ZNF425: variants seen among roughly 807,000 people sequenced by gnomAD.
The protein encoded by ZNF425 is zinc finger protein 425.
ZNF425 carries 21 observed loss-of-function variants against 17.0 expected under a neutral mutation model. The ratio of observed to expected loss-of-function variants is 1.23; its 90% confidence interval spans 0.88 to 1.78. The LOEUF is 1.78. Ranked by LOEUF, ZNF425 falls within the 40% of genes most tolerant of loss-of-function variation. The pLI is 0.00. For missense variants in ZNF425, 868 were observed against 967.3 expected (o/e 0.90, Z 1.36); for synonymous variants, 433 against 384.1 (o/e 1.13, Z -1.49).
intron 3 of ZNF425, 187 bp downstream of exon 3, chr7:149,111,950 G>C (rs563897338): frequency 4.5e-5 from 22 of 488,928 alleles, no homozygotes; most frequent in African/African-American, 4.2e-4. Flanking sequence ...CTAAAGTGCT[G>C]AGATTACAGG....
rs919811749 is a variant in ZNF425 at position 149,126,309 on chromosome 7, A to C, written c.-96T>G. Reference sequence around the variant, plus strand: ...TACAGCCCTGCTGGCCCCCAAAGGCAGAGCCGGCCGGGCGCGGTGCATGCT... The same window carrying C: ...TACAGCCCTGCTGGCCCCCAAAGGCCGAGCCGGCCGGGCGCGGTGCATGCT... On this transcript the variant is annotated 5_prime_UTR_variant, in exon 1 of 4. Coordinates refer to ENST00000378061, the MANE Select transcript of ZNF425 (RefSeq NM_001001661.3). 1 of 1,499,570 alleles carries C rather than the reference A, an allele frequency of 6.7e-7. No individual in the cohort carries two copies. 92.9% of individuals were successfully genotyped at this position (1,499,570 alleles called of 1,614,324 possible).
At chr7:149,117,639 A>ATTTTTT (rs1452531025) in intron 2 of ZNF425, among the ~76,000 whole-genome samples, 1 of 117,256 alleles carries the variant, frequency 8.5e-6, no homozygotes, top group Non-Finnish European at 1.7e-5. Context: ...TTACTTAGTA[A>ATTTTTT]TTCTTTTTTT....
At chr7:149,106,268 C>T (rs1458187310) in intron 3 of ZNF425, among the ~76,000 whole-genome samples, 1 of 143,710 alleles carries the variant, frequency 7.0e-6, no homozygotes, top group Non-Finnish European at 1.5e-5. Flanking sequence ...TTTTTTGAGA[C>T]AGTCTCACTC....
At chr7:149,122,681 C>T (rs896418110) in intron 1 of ZNF425, among the ~76,000 whole-genome samples, 23 of 151,822 alleles carry the variant, frequency 1.5e-4, no homozygotes, top group Non-Finnish European at 2.5e-4. Context: ...TACATTGAGA[C>T]GTGGGTTTTT....
At chr7:149,117,525 GA>G (rs1175280939) in intron 2 of ZNF425, among the ~76,000 whole-genome samples, 1 of 150,054 alleles carries the variant, frequency 6.7e-6, no homozygotes, top group African/African-American at 2.5e-5. Flanking sequence ...GTTCCTTGAA[GA>G]TGAGAAATTC....
At chr7:149,124,722 G>C (rs1826426224) in intron 1 of ZNF425, among the ~76,000 whole-genome samples, 1 of 151,570 alleles carries the variant, frequency 6.6e-6, no homozygotes, top group East Asian at 2.0e-4. Flanking sequence ...TGTATTTTTG[G>C]TAGAGACGGG....
At position 149,104,779 on chromosome 7, in the gene ZNF425, G is replaced by T. The variant is rs750803765; in HGVS notation, c.1092C>A (p.Gly364=). The T allele has an allele frequency of 6.2e-7, 1 of 1,613,426 alleles. No individual in the cohort carries two copies. The highest frequency in any genetic ancestry group is 8.5e-7 in the Non-Finnish European group (1 of 1,179,922). ...GKRPFHCPEC[G]RSFSRKAALK... The stretch of plus-strand genomic sequence containing the variant: ...GGGCAGCCTTCCGGGAGAAGCTCCG[G>T]CCACACTCGGGACAGTGGAAGGGCC... Residue 364 remains glycine, a synonymous_variant, in exon 4 of 4, where the codon GGC becomes GGA. Coordinates refer to ENST00000378061, the MANE Select transcript of ZNF425 (RefSeq NM_001001661.3). The surrounding 1 kb of genome is among the most constrained non-coding windows in gnomAD (Gnocchi z 4.3).
chr7:149,110,920 G>C (rs1010471603), intron 3 of ZNF425, among the ~76,000 whole-genome samples: 1 of 151,288 alleles, frequency 6.6e-6, no homozygotes, highest in Non-Finnish European at 1.5e-5. Flanking sequence ...TCAGCCTCGC[G>C]AGTAGCTGGG....
intron 1 of ZNF425, among the ~76,000 whole-genome samples, chr7:149,120,782 T>TC (rs1443865168): frequency 1.3e-5 from 2 of 152,226 alleles, no homozygotes; most frequent in African/African-American, 4.8e-5. Context: ...TTCTTGTCGT[T>TC]AAGCAACCCA....
chr7:149,104,578 G>C lies in ZNF425; in HGVS notation c.1293C>G (p.Ala431=), dbSNP rs377044813. The change falls in exon 4 of 4, where the codon GCC becomes GCG. Residue 431 remains alanine (A), a synonymous_variant. Coordinates refer to ENST00000378061, the MANE Select transcript of ZNF425 (RefSeq NM_001001661.3). This position sits in a 1 kb window ranked among gnomAD's most constrained non-coding sequence, Gnocchi z 4.3. ...KSFRLKRSLK[A]HGLQHIGKRP... ...GCTTCCCAATGTGCTGCAGCCCGTG[G>C]GCTTTCAGGCTTCTCTTGAGGCGGA... 6.2e-7 allele frequency: 1 copy of C among 1,614,020 alleles called. No homozygotes were observed. The highest frequency in any genetic ancestry group is 1.3e-5 in the African/African-American group (1 of 75,034).
chr7:149,103,585 G>A lies in ZNF425; in HGVS notation c.*27C>T, dbSNP rs371957617. The A allele has an allele frequency of 6.3e-5, 98 of 1,550,302 alleles. 1 individual carries two copies. Among genetic ancestry groups the A allele is most frequent in the East Asian group, 9.0e-5 (4 of 44,474 alleles). ...GAGCTGCTGGCACCTCCTGAAAGCCGACTGCGTGACTGCTGCATGGCCTGA... is the reference window on the plus strand; with the variant it reads ...GAGCTGCTGGCACCTCCTGAAAGCCAACTGCGTGACTGCTGCATGGCCTGA... On this transcript the variant is annotated 3_prime_UTR_variant, in exon 4 of 4. Coordinates refer to ENST00000378061, the MANE Select transcript of ZNF425 (RefSeq NM_001001661.3).
chr7:149,112,318 C>T (rs1246720390), intron 2 of ZNF425, 23 bp from the exon 3 acceptor site: 1 of 1,606,042 alleles, frequency 6.2e-7, no homozygotes, highest in African/African-American at 1.3e-5. Flanking sequence ...TCCACACAGA[C>T]TTTGAGTTTA....
chr7:149,122,079 C>CTTT (rs1187182130), intron 1 of ZNF425, among the ~76,000 whole-genome samples: 74 of 129,074 alleles, frequency 5.7e-4, no homozygotes, highest in African/African-American at 2.0e-3. Context: ...CCACCGCCGG[C>CTTT]TTTTTTTTTT....
In ZNF425 at chr7:149,105,182, T is replaced by C; in HGVS notation, c.689A>G (p.Lys230Arg). 2 of 1,614,218 alleles carry C rather than the reference T, an allele frequency of 1.2e-6. No individual in the cohort carries two copies. The highest frequency in any genetic ancestry group is 2.2e-5 in the South Asian group (2 of 91,090). ...CCTCTGCGTCCGCCTGAGTTCGGAC[T>C]TCCCTCTGGACGAGTTTTTGTACTT... is the stretch of plus-strand genomic sequence containing the variant. Reference protein sequence around the residue: ...YPKYKNSSRGKSELRRTQRLL... With the variant: ...YPKYKNSSRGRSELRRTQRLL... Residue 230 changes from lysine (K) to arginine (R), a missense_variant, in exon 4 of 4, where the codon AAG becomes AGG. Coordinates refer to ENST00000378061, the MANE Select transcript of ZNF425 (RefSeq NM_001001661.3).
chr7:149,117,694 C>T (rs1325399614), intron 2 of ZNF425, among the ~76,000 whole-genome samples: 1 of 127,102 alleles, frequency 7.9e-6, no homozygotes, highest in Non-Finnish European at 1.6e-5. Flanking sequence ...GCTCTGTTGC[C>T]CAGGCTGGAG....
chr7:149,123,841 C>CT (rs11301508), intron 1 of ZNF425, among the ~76,000 whole-genome samples: 47 of 128,174 alleles, frequency 3.7e-4, no homozygotes, highest in Non-Finnish European at 5.0e-4. Context: ...CTTGCTTTTT[C>CT]TTTTTTTTTT....
rs1228020130 is a variant in ZNF425 at position 149,118,209 on chromosome 7, A to G, written c.145+13T>C. On this transcript the variant is annotated intron_variant, in intron 2 of 3. Coordinates refer to ENST00000378061, the MANE Select transcript of ZNF425 (RefSeq NM_001001661.3). ...TGGTTCCTAAAAAGTGATTCCTTAG[A>G]AGCTCATCTTACCCAGGGAATCAAG... 4 of 1,613,944 alleles carry G rather than the reference A, an allele frequency of 2.5e-6. No homozygotes were observed. The highest frequency in any genetic ancestry group is 2.7e-5 in the African/African-American group (2 of 74,930).
chr7:149,113,962 CTG>C (rs1826213694), intron 2 of ZNF425, among the ~76,000 whole-genome samples: 1 of 146,456 alleles, frequency 6.8e-6, no homozygotes, highest in Admixed American at 7.1e-5. Flanking sequence ...CTGCAGTGAG[CTG>C]TGATTGTGCC....
Position 149,112,155 on chromosome 7 carries a change from C to T in ZNF425, c.286G>A (p.Gly96Arg). The change falls in exon 3 of 4, where the codon GGA (glycine) becomes AGA (arginine). Residue 96 changes from glycine to arginine, a missense_variant. This residue lies in a region of ZNF425 where 179 missense variants were observed against 216.3 expected (regional missense o/e 0.83). Coordinates refer to ENST00000378061, the MANE Select transcript of ZNF425 (RefSeq NM_001001661.3). ...TDEQLNMKNT[G>R]KLLCFDDEGT... ...TACTCACCAAAACATAGCAACTTTC[C>T]AGTATTCTTCATGTTCAACTGTTCA... 6.2e-7 allele frequency: 1 copy of T among 1,613,652 alleles called. No individual in the cohort carries two copies. Among genetic ancestry groups the T allele is most frequent in the South Asian group, 1.1e-5 (1 of 91,002 alleles).
Sources: allele counts gnomAD v4.1 joint callset (sites outside exome capture counted in the v4.1 genomes callset), GRCh38; gene constraint gnomAD v4.1.1; regional missense constraint gnomAD v4.1.1; non-coding constraint Gnocchi (gnomAD v3.1); transcripts MANE v1.5; gene names NCBI Gene and HGNC (gene_info 2026-07-23, HGNC 2026-07-21).